CSTPP1: variants seen among roughly 807,000 people sequenced by gnomAD.
The protein encoded by CSTPP1 is UPF0705 protein C11orf49.
the CSTPP1 span, among the ~76,000 whole-genome samples, chr11:46,991,120 C>A: frequency 1.3e-5 from 2 of 151,524 alleles, no homozygotes; most frequent in African/African-American, 4.9e-5. Flanking sequence ...TGGGAACATT[C>A]TAAGAAAGGA....
chr11:46,990,007 A>G, the CSTPP1 span, among the ~76,000 whole-genome samples: 4 of 152,170 alleles, frequency 2.6e-5, no homozygotes, highest in Non-Finnish European at 5.9e-5. Context: ...ATAGTACTCC[A>G]TGGTATATAT....
the CSTPP1 span, among the ~76,000 whole-genome samples, chr11:47,114,341 G>T: frequency 6.6e-6 from 1 of 152,084 alleles, no homozygotes; most frequent in Non-Finnish European, 1.5e-5. Context: ...GCTCTTTTTT[G>T]GTTCCATATG....
At chr11:47,042,433 G>A in the CSTPP1 span, among the ~76,000 whole-genome samples, 1 of 148,540 alleles carries the variant, frequency 6.7e-6, no homozygotes, top group Non-Finnish European at 1.5e-5. Flanking sequence ...ATGATAATAT[G>A]TATATACATA....
chr11:46,995,848 C>G, the CSTPP1 span, among the ~76,000 whole-genome samples: 3 of 152,076 alleles, frequency 2.0e-5, no homozygotes, highest in Admixed American at 6.6e-5. Flanking sequence ...CTTTCTGTCT[C>G]GTTGATCTGT....
chr11:47,119,277 A>G, the CSTPP1 span, among the ~76,000 whole-genome samples: 1 of 152,248 alleles, frequency 6.6e-6, no homozygotes, highest in Non-Finnish European at 1.5e-5. Context: ...CACAGGAGAG[A>G]ATCACCTTGT....
chr11:47,122,038 T>G, the CSTPP1 span, among the ~76,000 whole-genome samples: 2 of 118,554 alleles, frequency 1.7e-5, no homozygotes, highest in African/African-American at 3.4e-5. Flanking sequence ...ACCACTGTAC[T>G]CTAGCCTGAC....
chr11:46,977,347 G>A, the CSTPP1 span, among the ~76,000 whole-genome samples: 1 of 152,178 alleles, frequency 6.6e-6, no homozygotes, highest in Non-Finnish European at 1.5e-5. Flanking sequence ...TCTGTTATTT[G>A]CATGTCTCTC....
At chr11:47,015,233 C>A in the CSTPP1 span, among the ~76,000 whole-genome samples, 13 of 151,932 alleles carry the variant, frequency 8.6e-5, 1 homozygote, top group Non-Finnish European at 1.3e-4. Context: ...TCCCAGCAAT[C>A]CAAGGCAGGG....
chr11:46,940,672 G>A, the CSTPP1 span, among the ~76,000 whole-genome samples: 2 of 152,010 alleles, frequency 1.3e-5, no homozygotes, highest in African/African-American at 4.8e-5. Context: ...CATATATATA[G>A]ACATATATAT....
At chr11:46,975,333 G>T in the CSTPP1 span, among the ~76,000 whole-genome samples, 1 of 152,164 alleles carries the variant, frequency 6.6e-6, no homozygotes, top group East Asian at 1.9e-4. Flanking sequence ...AAAGTGATTT[G>T]TGCAGGGAAA....
the CSTPP1 span, among the ~76,000 whole-genome samples, chr11:47,037,766 A>G: frequency 1.6e-5 from 2 of 126,444 alleles, 1 homozygote; most frequent in Non-Finnish European, 3.8e-5. Flanking sequence ...AACAAAATGA[A>G]AAGTCTCCCA....
the CSTPP1 span, among the ~76,000 whole-genome samples, chr11:47,038,454 G>T: frequency 9.5e-6 from 1 of 105,770 alleles, no homozygotes; most frequent in Non-Finnish European, 2.4e-5. Context: ...CGGGCGGGGG[G>T]CTGACCCCCC....
chr11:47,079,867 G>A, the CSTPP1 span, among the ~76,000 whole-genome samples: 1 of 151,780 alleles, frequency 6.6e-6, no homozygotes, highest in Non-Finnish European at 1.5e-5. Flanking sequence ...GCGGAGGCGA[G>A]TGGATCACTT....
At chr11:47,038,580 G>A in the CSTPP1 span, among the ~76,000 whole-genome samples, 1 of 109,138 alleles carries the variant, frequency 9.2e-6, no homozygotes. Flanking sequence ...CCGGGCGGGG[G>A]GCTGATCCCC....
chr11:46,953,087 T>C, the CSTPP1 span, among the ~76,000 whole-genome samples: 1 of 151,970 alleles, frequency 6.6e-6, no homozygotes, highest in African/African-American at 2.4e-5. Flanking sequence ...ATGGAGGAAG[T>C]GTTCAATGAT....
chr11:47,112,000 T>C, the CSTPP1 span, among the ~76,000 whole-genome samples: 3 of 152,226 alleles, frequency 2.0e-5, no homozygotes, highest in Non-Finnish European at 4.4e-5. Context: ...CTTATTCTTT[T>C]GGCTCCTGCC....
the CSTPP1 span, among the ~76,000 whole-genome samples, chr11:47,019,370 T>C: frequency 1.3e-5 from 2 of 152,212 alleles, no homozygotes; most frequent in South Asian, 4.1e-4. Flanking sequence ...CTTGGCTAAC[T>C]GTTTTGTGTA....
chr11:47,098,720 T>G, the CSTPP1 span, among the ~76,000 whole-genome samples: 53 of 152,150 alleles, frequency 3.5e-4, 2 homozygotes. Context: ...CAGGCTGGTC[T>G]CTAACTCCTG....
At chr11:47,164,358 G>T in the CSTPP1 span, 5 of 1,238,646 alleles carry the variant, frequency 4.0e-6, no homozygotes, top group Admixed American at 2.9e-5. Context: ...ACACCACTTT[G>T]TTTCAATACA....
Sources: gnomAD v4.1 joint callset for allele counts (sites outside exome capture counted in the v4.1 genomes callset) on GRCh38, gnomAD v4.1.1 for gene constraint, MANE v1.5 for transcripts, NCBI Gene and HGNC (gene_info 2026-07-23, HGNC 2026-07-21) for gene names.